DGKB: variants seen among roughly 807,000 people sequenced by gnomAD.
The protein encoded by DGKB is 90 kDa diacylglycerol kinase.
Under a neutral mutation model 114.3 loss-of-function variants are expected in DGKB, and 67 were observed. That is an observed-to-expected ratio of 0.59 (90% CI 0.48 to 0.72). DGKB has a LOEUF of 0.72. DGKB is among the 30% of genes least tolerant of loss of function. The pLI, the probability that DGKB is intolerant of heterozygous loss-of-function variation, is 0.00. For missense variants in DGKB, 907 were observed against 975.2 expected (o/e 0.93, Z 0.93); for synonymous variants, 398 against 323.1 (o/e 1.23, Z -2.49).
At chr7:14,294,195 C>CACTT (rs1165470058) in intron 23 of DGKB, among the ~76,000 whole-genome samples, 1 of 152,112 alleles carries the variant, frequency 6.6e-6, no homozygotes, top group East Asian at 1.9e-4. Context: ...GAGTGTCTTC[C>CACTT]ACTTATAAAG....
At chr7:14,165,805 A>G (rs1784538310) in intron 25 of DGKB, among the ~76,000 whole-genome samples, 1 of 152,204 alleles carries the variant, frequency 6.6e-6, no homozygotes, top group Non-Finnish European at 1.5e-5. Flanking sequence ...TAGATGCCCT[A>G]GGCTGTGTTT....
chr7:14,212,089 ATTT>A (rs1321590093), intron 23 of DGKB, among the ~76,000 whole-genome samples: 1 of 1,682 alleles, frequency 5.9e-4, no homozygotes, highest in Non-Finnish European at 1.1e-3. Flanking sequence ...ATGTTTTGTG[ATTT>A]TACTCTCATG....
At position 14,878,755 on chromosome 7, in the gene DGKB, C is replaced by CAAAA. The variant is rs5882472; in HGVS notation, c.-188+23833_-188+23836dup. Among the ~76,000 whole-genome samples the CAAAA allele has an allele frequency of 1.4e-4, 16 of 113,268 alleles. 1 individual carries two copies. The highest frequency in any genetic ancestry group is 2.5e-4 in the Non-Finnish European group (14 of 57,082). The allele number at this position is 113,268 out of a possible 152,430, so 74.3% of individuals were successfully genotyped here. A position where few individuals can be genotyped will look rare whatever the true frequency, so the allele number is the denominator to read the frequency against. ...CAGCGTGAGACTCCGTCTCAAAAAACAAAAAAAAAAAAACAAAAAAAAAAA... is the reference window on the plus strand; with the variant it reads ...CAGCGTGAGACTCCGTCTCAAAAAACAAAAAAAAAAAAAAAAACAAAAAAAAAAA... On this transcript the variant is annotated intron_variant, in intron 1 of 25. Transcript: ENST00000402815.
chr7:14,915,178 G>A (rs1032198630), intron 1 of DGKB, among the ~76,000 whole-genome samples: 1 of 151,988 alleles, frequency 6.6e-6, no homozygotes, highest in Non-Finnish European at 1.5e-5. Context: ...ACCAGCCTGG[G>A]AAATACAGCA....
At chr7:14,362,136 C>G (rs957856502) in intron 21 of DGKB, among the ~76,000 whole-genome samples, 1 of 151,934 alleles carries the variant, frequency 6.6e-6, no homozygotes, top group South Asian at 2.1e-4. Flanking sequence ...TTGTACCAAT[C>G]AATAAGAAAG....
chr7:14,759,093 T>A (rs1835328582), intron 2 of DGKB, among the ~76,000 whole-genome samples: 1 of 152,096 alleles, frequency 6.6e-6, no homozygotes, highest in African/African-American at 2.4e-5. Context: ...CCTGGCTAAT[T>A]TTTATAATTT....
intron 1 of DGKB, among the ~76,000 whole-genome samples, chr7:14,937,025 T>TAC (rs56176139): frequency 0.074 from 9,743 of 132,172 alleles, 463 homozygotes; most frequent in East Asian, 0.24. Flanking sequence ...GTCCATTCAC[T>TAC]ACACACACAC....
At chr7:14,183,206 A>C (rs560673032) in intron 23 of DGKB, among the ~76,000 whole-genome samples, 1 of 152,352 alleles carries the variant, frequency 6.6e-6, no homozygotes, top group East Asian at 1.9e-4. Context: ...ATAAACTTTT[A>C]AAAGGCCAAG....
chr7:14,149,268 A>C (rs763450518), intron 25 of DGKB, 30 bp from the exon 26 acceptor site: 1 of 1,414,510 alleles, frequency 7.1e-7, no homozygotes. Flanking sequence ...GAGAGAGAGA[A>C]AGAATAGAGT....
intron 25 of DGKB, among the ~76,000 whole-genome samples, chr7:14,154,692 A>AAAAC (rs541912584): frequency 6.6e-6 from 1 of 152,120 alleles, no homozygotes; most frequent in East Asian, 1.9e-4. Context: ...CCATAAAAAA[A>AAAAC]AAACAAACAA....
intron 21 of DGKB, among the ~76,000 whole-genome samples, chr7:14,441,917 G>T (rs1830137057): frequency 6.6e-6 from 1 of 151,734 alleles, no homozygotes; most frequent in Non-Finnish European, 1.5e-5. Flanking sequence ...ATACAACTTT[G>T]TCATAATGCA....
chr7:14,702,964 G>C (rs1825467125), intron 6 of DGKB, among the ~76,000 whole-genome samples: 1 of 152,134 alleles, frequency 6.6e-6, no homozygotes, highest in African/African-American at 2.4e-5. Context: ...ACAAATGTCT[G>C]TCTATTGACT....
At chr7:14,674,793 A>G (rs922909059) in intron 12 of DGKB, among the ~76,000 whole-genome samples, 1 of 152,102 alleles carries the variant, frequency 6.6e-6, no homozygotes, top group Non-Finnish European at 1.5e-5. Flanking sequence ...GATTGCTGGC[A>G]ACCACCAGAA....
chr7:14,439,235 T>C (rs1359560968), intron 21 of DGKB, among the ~76,000 whole-genome samples: 1 of 152,186 alleles, frequency 6.6e-6, no homozygotes, highest in Non-Finnish European at 1.5e-5. Flanking sequence ...TGTTAACTTC[T>C]ATTTCAGTAG....
At chr7:14,899,134 A>G (rs1782574864) in intron 1 of DGKB, among the ~76,000 whole-genome samples, 1 of 152,158 alleles carries the variant, frequency 6.6e-6, no homozygotes, top group African/African-American at 2.4e-5. Flanking sequence ...TAGTCTCTGT[A>G]ACACTTCACA....
intron 2 of DGKB, among the ~76,000 whole-genome samples, chr7:14,839,129 T>C: frequency 6.6e-6 from 1 of 152,246 alleles, no homozygotes; most frequent in African/African-American, 2.4e-5. Context: ...TATTAGTTTC[T>C]AGCCTTCTTT....
At chr7:14,376,545 A>G (rs1818509485) in intron 21 of DGKB, among the ~76,000 whole-genome samples, 1 of 152,152 alleles carries the variant, frequency 6.6e-6, no homozygotes, top group South Asian at 2.1e-4. Context: ...TAATTTTCCT[A>G]TCTCCCTAAA....
intron 6 of DGKB, among the ~76,000 whole-genome samples, chr7:14,704,341 G>A (rs550907924): frequency 3.2e-4 from 49 of 150,774 alleles, no homozygotes; most frequent in African/African-American, 1.1e-3. Context: ...CCAGCTACGC[G>A]GGAGGCTGAG....
intron 14 of DGKB, among the ~76,000 whole-genome samples, chr7:14,628,797 C>A (rs1809126429): frequency 6.6e-6 from 1 of 151,910 alleles, no homozygotes; most frequent in Admixed American, 6.6e-5. Flanking sequence ...TTTGGAACAA[C>A]AAAGTTGAAA....
Sources: gnomAD v4.1 joint callset for allele counts (sites outside exome capture counted in the v4.1 genomes callset) on GRCh38, gnomAD v4.1.1 for gene constraint, MANE v1.5 for transcripts, NCBI Gene and HGNC (gene_info 2026-07-23, HGNC 2026-07-21) for gene names.